Variants in RASGRF2 observed in about 807,000 individuals in gnomAD.
The protein encoded by RASGRF2 is ras-specific guanine nucleotide-releasing factor 2.
Under a neutral mutation model 151.0 loss-of-function variants are expected in RASGRF2, and 76 were observed. The observed-to-expected ratio is 0.50, with a 90% CI of 0.42 to 0.61. The LOEUF (loss-of-function observed/expected upper bound fraction) is 0.61, where lower values mean the gene tolerates loss of function less well. Among genes scored for constraint, RASGRF2 ranks in the 20% least tolerant of loss-of-function variants. RASGRF2 has a pLI of 0.00. For missense variants in RASGRF2, 1,148 were observed against 1,564.6 expected (o/e 0.73, Z 4.49); for synonymous variants, 504 against 566.5 (o/e 0.89, Z 1.57).
chr5:81,189,366 A>T (rs2112691256), intron 18 of RASGRF2, among the ~76,000 whole-genome samples: 1 of 152,334 alleles, frequency 6.6e-6, no homozygotes, highest in East Asian at 1.9e-4. Context: ...GAATAAGAAG[A>T]TAAAATTTGG....
chr5:81,224,790 G>A (rs1429603889), intron 26 of RASGRF2, among the ~76,000 whole-genome samples: 1 of 152,118 alleles, frequency 6.6e-6, no homozygotes, highest in Non-Finnish European at 1.5e-5. Flanking sequence ...ACATGAAGGA[G>A]TACACACTGT....
chr5:81,175,840 T>A (rs1754763217), intron 17 of RASGRF2, among the ~76,000 whole-genome samples: 1 of 151,868 alleles, frequency 6.6e-6, no homozygotes, highest in Non-Finnish European at 1.5e-5. Flanking sequence ...GTTGGACAGA[T>A]TACGTCCCAT....
chr5:81,051,942 C>A (rs1043672536), intron 2 of RASGRF2, among the ~76,000 whole-genome samples: 5 of 152,190 alleles, frequency 3.3e-5, no homozygotes, highest in Admixed American at 2.0e-4. Flanking sequence ...CCACCAGCTA[C>A]GTATTGAGGG....
At position 81,228,589 on chromosome 5, in the gene RASGRF2, A is replaced by C. The variant is rs968789333; in HGVS notation, c.*2819A>C. ...CATGTATACTGTAAAATTAACCTAG[A>C]AAATCAGAAGAAAAATCCAATTTCA... is the stretch of plus-strand genomic sequence containing the variant. On this transcript the variant is annotated 3_prime_UTR_variant, in exon 27 of 27. Transcript: ENST00000265080. The C allele has an allele frequency of 3.9e-5, 6 of 152,214 alleles. No homozygotes were observed. Among genetic ancestry groups the C allele is most frequent in the African/African-American group, 1.4e-4 (6 of 41,444 alleles). 9.4% of individuals were successfully genotyped at this position (152,214 alleles called of 1,614,324 possible).
At chr5:81,032,256 A>C (rs1750283510) in intron 1 of RASGRF2, among the ~76,000 whole-genome samples, 2 of 152,240 alleles carry the variant, frequency 1.3e-5, no homozygotes, top group African/African-American at 4.8e-5. Context: ...AAACTATTCC[A>C]ATCAACAGAA....
At position 81,018,436 on chromosome 5, in the gene RASGRF2, G is replaced by A. The variant is rs550051745; in HGVS notation, c.289-24441G>A. Among the ~76,000 whole-genome samples the A allele has an allele frequency of 2.6e-5, 4 of 152,164 alleles. No homozygotes were observed. The East Asian group carries it at 7.7e-4, about 29-fold the overall frequency. On this transcript the variant is annotated intron_variant, in intron 1 of 26. Transcript: ENST00000265080. ...TAGAGTGAGTTCTCTGTGCCTCTACGGCTCAGGGATGGGATACTTTACCCT... is the reference window on the plus strand; with the variant it reads ...TAGAGTGAGTTCTCTGTGCCTCTACAGCTCAGGGATGGGATACTTTACCCT...
chr5:81,058,433 T>C (rs1404013877), intron 2 of RASGRF2, among the ~76,000 whole-genome samples: 1 of 152,220 alleles, frequency 6.6e-6, no homozygotes, highest in African/African-American at 2.4e-5. Flanking sequence ...TTCAGTTGAT[T>C]TGATGCAATC....
chr5:81,212,552 GT>G lies in RASGRF2; in HGVS notation c.3344del (p.Val1115AlafsTer8). ...IYRLKKTWAK[V>X]SKQTKALMDK... ...CAGGCTGAAGAAAACCTGGGCCAAG[GT>G]CTCTAAGCAGGTGAGCCTCAGCGTG... On this transcript the variant is annotated frameshift_variant, in exon 23 of 27. Coordinates refer to ENST00000265080, the MANE Select transcript of RASGRF2 (RefSeq NM_006909.3). LOFTEE classifies it high-confidence loss of function. 2 of 1,610,652 alleles carry G rather than the reference GT, an allele frequency of 1.2e-6. No homozygotes were observed. Among genetic ancestry groups the G allele is most frequent in the Non-Finnish European group, 1.7e-6 (2 of 1,178,392 alleles).
intron 1 of RASGRF2, among the ~76,000 whole-genome samples, chr5:80,983,434 A>G (rs191990709): frequency 3.9e-4 from 59 of 152,254 alleles, no homozygotes; most frequent in Non-Finnish European, 7.1e-4. Context: ...AGCCCTGCCC[A>G]CCCTAAGGGC....
At chr5:81,152,097 G>A (rs1349226063) in intron 17 of RASGRF2, among the ~76,000 whole-genome samples, 1 of 152,076 alleles carries the variant, frequency 6.6e-6, no homozygotes, top group African/African-American at 2.4e-5. Flanking sequence ...CGCCTCCCAG[G>A]TTCAAGCTAT....
At chr5:81,098,601 G>A (rs1752613873) in intron 12 of RASGRF2, among the ~76,000 whole-genome samples, 1 of 152,206 alleles carries the variant, frequency 6.6e-6, no homozygotes, top group Non-Finnish European at 1.5e-5. Flanking sequence ...TGTCAAGGAG[G>A]AGGGAGTGGT....
chr5:81,023,889 G>C (rs1184779861), intron 1 of RASGRF2, among the ~76,000 whole-genome samples: 2 of 152,216 alleles, frequency 1.3e-5, no homozygotes, highest in Admixed American at 1.3e-4. Flanking sequence ...TTAAGCCACT[G>C]ATTTGTTATT....
chr5:81,096,184 C>T (rs1048093292), intron 12 of RASGRF2: 43 of 152,230 alleles, frequency 2.8e-4, no homozygotes, highest in African/African-American at 9.9e-4. Flanking sequence ...GAAAAGAAGC[C>T]ATTTCTTTTC....
chr5:81,117,077 G>A lies in RASGRF2; in HGVS notation c.2470+3157G>A, dbSNP rs151334025. ...TGTTGTGCAGGGAATGTTCCACTTCGATCACCAACTTCCCTAGTTTTAGTC... is the reference window on the plus strand; with the variant it reads ...TGTTGTGCAGGGAATGTTCCACTTCAATCACCAACTTCCCTAGTTTTAGTC... On this transcript the variant is annotated intron_variant, in intron 15 of 26. Transcript: ENST00000265080. 8.1e-4 allele frequency among the ~76,000 whole-genome samples: 124 copies of A among 152,236 alleles called. 1 individual carries two copies. The highest frequency in any genetic ancestry group is 7.5e-4 in the Non-Finnish European group (51 of 68,004).
chr5:80,985,530 C>T (rs1303514548), intron 1 of RASGRF2, among the ~76,000 whole-genome samples: 1 of 152,112 alleles, frequency 6.6e-6, no homozygotes, highest in Non-Finnish European at 1.5e-5. Flanking sequence ...GCATTAGCCC[C>T]AGAGATTAGT....
intron 1 of RASGRF2, among the ~76,000 whole-genome samples, chr5:81,026,028 A>T (rs767357599): frequency 1.1e-4 from 3 of 28,118 alleles, no homozygotes; most frequent in African/African-American, 4.6e-4. Context: ...CCTTCCTTCC[A>T]TCCTTCCCTC....
Position 81,080,710 on chromosome 5 carries a change from A to T in RASGRF2, c.1082A>T (p.Lys361Ile), listed in dbSNP as rs778995938. 6.2e-7 allele frequency: 1 copy of T among 1,614,218 alleles called. No individual in the cohort carries two copies. The highest frequency in any genetic ancestry group is 8.5e-7 in the Non-Finnish European group (1 of 1,180,028). ...TGTAAGCAAAACAGAGATTTTGACA[A>T]ACTCTTAAAACAGTATGAAGCCAAT... ...ANCKQNRDFD[K>I]LLKQYEANPA... Residue 361 changes from lysine (K) to isoleucine (I), a missense_variant, in exon 7 of 27, where the codon AAA becomes ATA. Transcript: ENST00000265080.
At position 81,086,958 on chromosome 5, in the gene RASGRF2, G is replaced by A. The variant is rs1178837576; in HGVS notation, c.1390+5G>A. On this transcript the variant is annotated splice_donor_5th_base_variant and intron_variant, in intron 9 of 26. Transcript: ENST00000265080. Reference sequence around the variant, plus strand: ...GCCAAACGTTCATCCGCCAAGGTAAGTCCCTGTGAAATGGACCCGCGACCT... The same window carrying A: ...GCCAAACGTTCATCCGCCAAGGTAAATCCCTGTGAAATGGACCCGCGACCT... 1 of 1,610,330 alleles carries A rather than the reference G, an allele frequency of 6.2e-7. No homozygotes were observed. Among genetic ancestry groups the A allele is most frequent in the Non-Finnish European group, 8.5e-7 (1 of 1,176,684 alleles).
chr5:81,026,174 TC>T, intron 1 of RASGRF2, among the ~76,000 whole-genome samples: 2 of 144,750 alleles, frequency 1.4e-5, no homozygotes, highest in Non-Finnish European at 3.0e-5. Context: ...CTTCCTCCCT[TC>T]CTCCCTTCCT....
Sources: allele counts gnomAD v4.1 joint callset (sites outside exome capture counted in the v4.1 genomes callset), GRCh38; gene constraint gnomAD v4.1.1; transcripts MANE v1.5; gene names NCBI Gene and HGNC (gene_info 2026-07-23, HGNC 2026-07-21).